The following DCK variants were observed in gnomAD, a reference collection of about 807,000 sequenced individuals.
DCK encodes deoxyadenosine kinase.
Under a neutral mutation model 38.3 loss-of-function variants are expected in DCK, and 23 were observed. The observed-to-expected ratio is 0.60, with a 90% CI of 0.43 to 0.85. The LOEUF (loss-of-function observed/expected upper bound fraction) is 0.85. Among genes scored for constraint, DCK ranks in the 40% least tolerant of loss-of-function variants. DCK has a pLI of 0.00. For synonymous variants in DCK, 108 were observed against 100.6 expected (o/e 1.07, Z -0.44); for missense variants, 259 against 304.4 (o/e 0.85, Z 1.11).
chr4:71,024,241 C>T (rs558856359), intron 4 of DCK, among the ~76,000 whole-genome samples: 32 of 152,184 alleles, frequency 2.1e-4, no homozygotes, highest in African/African-American at 6.7e-4. Flanking sequence ...TGGCAGCTAT[C>T]GTTGGGAAAA....
intron 2 of DCK, among the ~76,000 whole-genome samples, chr4:71,009,281 G>T (rs1193772822): frequency 6.6e-6 from 1 of 152,204 alleles, no homozygotes; most frequent in African/African-American, 2.4e-5. Flanking sequence ...ACTGTTAACT[G>T]TTGGGAGTAT....
intron 2 of DCK, among the ~76,000 whole-genome samples, chr4:71,016,532 T>C (rs1310176056): frequency 6.6e-6 from 1 of 152,138 alleles, no homozygotes; most frequent in Non-Finnish European, 1.5e-5. Flanking sequence ...GACTTCAAAC[T>C]ATACTACAAG....
chr4:71,019,640 TA>T (rs1257034185), intron 2 of DCK, among the ~76,000 whole-genome samples: 4 of 152,214 alleles, frequency 2.6e-5, no homozygotes, highest in Non-Finnish European at 5.9e-5. Context: ...ACATATCATC[TA>T]AAAGATTAAT....
At chr4:71,011,095 A>G (rs1740078234) in intron 2 of DCK, among the ~76,000 whole-genome samples, 1 of 151,998 alleles carries the variant, frequency 6.6e-6, no homozygotes, top group Admixed American at 6.6e-5. Context: ...GGCATGTGCC[A>G]CCACGCCTGG....
intron 1 of DCK, among the ~76,000 whole-genome samples, chr4:70,996,341 C>CTG: frequency 6.6e-6 from 1 of 152,098 alleles, no homozygotes; most frequent in East Asian, 1.9e-4. Context: ...ACAGCCTGGG[C>CTG]TACAGAGTGA....
chr4:71,003,598 G>T (rs181573303), intron 2 of DCK, among the ~76,000 whole-genome samples: 147 of 152,296 alleles, frequency 9.7e-4, no homozygotes, highest in African/African-American at 3.2e-3. Context: ...CCAGTCAAAC[G>T]TAGGTTTGGT....
chr4:71,013,000 A>C (rs1740143766), intron 2 of DCK, among the ~76,000 whole-genome samples: 1 of 152,206 alleles, frequency 6.6e-6, no homozygotes, highest in African/African-American at 2.4e-5. Context: ...CATGGCAAAG[A>C]AGCTAAAAAC....
chr4:71,002,874 C>T (rs1560680233), intron 2 of DCK, among the ~76,000 whole-genome samples: 1 of 152,126 alleles, frequency 6.6e-6, no homozygotes, highest in Non-Finnish European at 1.5e-5. Context: ...GATGCGACTC[C>T]TGAATACCGC....
At chr4:71,004,483 C>T (rs1336375127) in intron 2 of DCK, among the ~76,000 whole-genome samples, 3 of 152,212 alleles carry the variant, frequency 2.0e-5, no homozygotes, top group Admixed American at 6.5e-5. Flanking sequence ...AGAGCTTGAG[C>T]GCTGCGCTGG....
chr4:71,023,769 T>A, intron 4 of DCK, 63 bp downstream of exon 4: 1 of 1,484,762 alleles, frequency 6.7e-7, no homozygotes, highest in East Asian at 2.4e-5. Context: ...CTCTTTTCAG[T>A]GGTATATAAT....
At chr4:71,011,549 A>G (rs1740091264) in intron 2 of DCK, among the ~76,000 whole-genome samples, 1 of 151,894 alleles carries the variant, frequency 6.6e-6, no homozygotes, top group African/African-American at 2.4e-5. Flanking sequence ...TAGCGATAGG[A>G]TTTTGCCAAT....
chr4:71,010,780 C>G (rs1431719009), intron 2 of DCK, among the ~76,000 whole-genome samples: 2 of 149,992 alleles, frequency 1.3e-5, no homozygotes, highest in Non-Finnish European at 3.0e-5. Flanking sequence ...AATGGTTAAA[C>G]CAAGCTAATT....
intron 2 of DCK, among the ~76,000 whole-genome samples, chr4:71,016,376 T>G (rs1270726301): frequency 6.6e-6 from 1 of 152,184 alleles, no homozygotes; most frequent in Non-Finnish European, 1.5e-5. Context: ...ATTTATAGAT[T>G]CAATGCCATC....
intron 2 of DCK, among the ~76,000 whole-genome samples, chr4:71,000,886 GAAGTTGCTTGTCACCAT>G (rs1461101866): frequency 2.6e-5 from 4 of 152,202 alleles, no homozygotes; most frequent in Non-Finnish European, 5.9e-5. Context: ...AGACTTTACT[GAAGTTGCTTGTCACCAT>G]AAGGGATTAT....
At chr4:71,008,193 G>A (rs545798591) in intron 2 of DCK, among the ~76,000 whole-genome samples, 5 of 152,218 alleles carry the variant, frequency 3.3e-5, no homozygotes, top group Admixed American at 3.3e-4. Context: ...AAAATTACTG[G>A]GAATGCTTAT....
intron 2 of DCK, among the ~76,000 whole-genome samples, chr4:70,998,614 G>T (rs971431844): frequency 5.9e-5 from 9 of 152,032 alleles, no homozygotes; most frequent in African/African-American, 2.2e-4. Context: ...GTTACTGAGG[G>T]GTGACTATAT....
At chr4:71,025,105 G>A (rs1740514083) in intron 4 of DCK, among the ~76,000 whole-genome samples, 1 of 151,988 alleles carries the variant, frequency 6.6e-6, no homozygotes, top group African/African-American at 2.4e-5. Flanking sequence ...TGCATGAAGA[G>A]TTTCTCATGG....
intron 2 of DCK, among the ~76,000 whole-genome samples, chr4:71,017,492 C>T (rs1225225137): frequency 3.3e-5 from 5 of 152,032 alleles, no homozygotes; most frequent in South Asian, 2.1e-4. Flanking sequence ...ATGTTTATTG[C>T]GGCACTGTTC....
At chr4:71,014,325 C>T (rs2148916440) in intron 2 of DCK, among the ~76,000 whole-genome samples, 1 of 152,270 alleles carries the variant, frequency 6.6e-6, no homozygotes, top group South Asian at 2.1e-4. Context: ...TAATGGGAGA[C>T]TTTAACACCC....
Sources: gnomAD v4.1 joint callset for allele counts (sites outside exome capture counted in the v4.1 genomes callset) on GRCh38, gnomAD v4.1.1 for gene constraint, MANE v1.5 for transcripts, NCBI Gene and HGNC (gene_info 2026-07-23, HGNC 2026-07-21) for gene names.